Variants in WNK1 observed in about 807,000 individuals in gnomAD.
WNK1 encodes the protein WNK lysine deficient protein kinase 1, also known as serine/threonine-protein kinase WNK1.
Under a neutral mutation model 222.8 loss-of-function variants are expected in WNK1, and 38 were observed. The observed-to-expected ratio is 0.17, with a 90% CI of 0.13 to 0.22. WNK1 has a LOEUF of 0.22. Among genes scored for constraint, WNK1 ranks in the 10% least tolerant of loss-of-function variants. The pLI, the probability that WNK1 is intolerant of heterozygous loss-of-function variation, is 1.00. For missense variants in WNK1, 2,348 were observed against 2,918.4 expected (o/e 0.80, Z 4.50); for synonymous variants, 1,090 against 1,092.9 (o/e 1.00, Z 0.05).
intron 1 of WNK1, among the ~76,000 whole-genome samples, chr12:798,030 TTCTG>T (rs1180959115): frequency 5.3e-5 from 8 of 151,940 alleles, no homozygotes; most frequent in African/African-American, 1.9e-4. Flanking sequence ...AATATCTGCC[TTCTG>T]TCTTTTAAAA....
Position 908,861 on chromosome 12 carries a change from G to GGGGGGGGGGGCCCCCC in WNK1, c.*69_*70insGGGGGGGGGGCCCCCC. 1 of 491,846 alleles carries GGGGGGGGGGGCCCCCC rather than the reference G, an allele frequency of 2.0e-6. No homozygotes were observed. Among genetic ancestry groups the GGGGGGGGGGGCCCCCC allele is most frequent in the Non-Finnish European group, 4.1e-6 (1 of 241,770 alleles). The allele number at this position is 491,846 out of a possible 1,614,324, so 30.5% of individuals were successfully genotyped here. Reference sequence around the variant, plus strand: ...ATGCTGAGGGGGTGGGTGGGGGTGGGAAGTAGCCTATATACTAACTACTAG... The same window carrying GGGGGGGGGGGCCCCCC: ...ATGCTGAGGGGGTGGGTGGGGGTGGGGGGGGGGGGGCCCCCCAAGTAGCCTATATACTAACTACTAG... On this transcript the variant is annotated 3_prime_UTR_variant, in exon 28 of 28. Coordinates refer to ENST00000315939, the MANE Select transcript of WNK1 (RefSeq NM_018979.4).
rs1939490675 is a variant in WNK1 at position 753,477 on chromosome 12, C to T, written c.-89C>T. 1.3e-6 allele frequency: 2 copies of T among 1,573,240 alleles called. No homozygotes were observed. The highest frequency in any genetic ancestry group is 3.5e-5 in the Admixed American group (2 of 57,308). ...GCGCGAACCCGCCCGGCCGCGGTTC[C>T]CTGCAGACCTCTGCGCGGGCGGCTC... On this transcript the variant is annotated 5_prime_UTR_variant, in exon 1 of 28. Coordinates refer to ENST00000315939, the MANE Select transcript of WNK1 (RefSeq NM_018979.4). The surrounding 1 kb of genome is among the most constrained non-coding windows in gnomAD (Gnocchi z 5.2).
intron 1 of WNK1, among the ~76,000 whole-genome samples, chr12:792,398 C>T (rs1944930566): frequency 1.3e-5 from 2 of 149,574 alleles, no homozygotes; most frequent in South Asian, 2.1e-4. Context: ...CTGCAGCCTC[C>T]GCTTCCCAGC....
intron 20 of WNK1, among the ~76,000 whole-genome samples, chr12:888,837 A>T (rs1427664082): frequency 1.3e-5 from 2 of 152,236 alleles, no homozygotes; most frequent in Non-Finnish European, 2.9e-5. Context: ...TAAAGGTCGC[A>T]CAAATAAATA....
intron 26 of WNK1, chr12:906,469 A>G: frequency 2.0e-6 from 2 of 985,156 alleles, no homozygotes; most frequent in African/African-American, 1.7e-5. Context: ...TCTACATGGG[A>G]GTGCTTGCTG....
At chr12:829,934 T>C in intron 3 of WNK1, 69 bp from the exon 4 acceptor site, 1 of 1,572,410 alleles carries the variant, frequency 6.4e-7, no homozygotes, top group Non-Finnish European at 8.8e-7. Flanking sequence ...ACCCCTCTGC[T>C]TCTCACCCCG....
intron 7 of WNK1, 28 bp from the exon 8 acceptor site, chr12:862,055 T>C (rs753042969): frequency 3.7e-6 from 6 of 1,613,188 alleles, no homozygotes; most frequent in South Asian, 1.1e-5. Flanking sequence ...CTCTCTCTCT[T>C]TTTTTTGGCG....
At chr12:847,120 A>G (rs1337570486) in intron 4 of WNK1, among the ~76,000 whole-genome samples, 4 of 152,194 alleles carry the variant, frequency 2.6e-5, no homozygotes, top group African/African-American at 7.2e-5. Context: ...CCAGTGTTTT[A>G]GGTACTAAAT....
intron 22 of WNK1, among the ~76,000 whole-genome samples, chr12:893,370 A>G (rs568872092): frequency 5.9e-5 from 9 of 152,374 alleles, no homozygotes; most frequent in African/African-American, 1.9e-4. Context: ...GCAATCATTA[A>G]AAAGAATGAG....
chr12:900,016 C>CTTTTTTTT (rs11433731), intron 25 of WNK1, among the ~76,000 whole-genome samples: 17 of 119,616 alleles, frequency 1.4e-4, no homozygotes, highest in East Asian at 9.6e-4. Flanking sequence ...GGATTCTTTT[C>CTTTTTTTT]TTTTTTTTTT....
chr12:860,938 T>TG, intron 6 of WNK1, 75 bp from the exon 7 acceptor site: 1 of 1,340,886 alleles, frequency 7.5e-7, no homozygotes, highest in Non-Finnish European at 1.0e-6. Flanking sequence ...TTTTTTTTTT[T>TG]TGGCGGGGGG....
chr12:807,537 G>A (rs182306960), intron 1 of WNK1, among the ~76,000 whole-genome samples: 1 of 152,036 alleles, frequency 6.6e-6, no homozygotes, highest in African/African-American at 2.4e-5. Flanking sequence ...GACCCACTAA[G>A]TTTCAGTGCT....
intron 4 of WNK1, among the ~76,000 whole-genome samples, chr12:840,754 T>C (rs1424641768): frequency 1.3e-5 from 2 of 152,256 alleles, no homozygotes; most frequent in Non-Finnish European, 2.9e-5. Context: ...AAGAAATTAC[T>C]GATCTACGAA....
intron 23 of WNK1, 134 bp from the exon 24 acceptor site, chr12:895,937 C>T (rs1254405318): frequency 2.1e-5 from 24 of 1,160,582 alleles, no homozygotes; most frequent in South Asian, 5.7e-5. Context: ...AAAGTGGAGG[C>T]GCTATGTAAA....
At chr12:809,100 T>C (rs1203994922) in intron 1 of WNK1, among the ~76,000 whole-genome samples, 2 of 151,892 alleles carry the variant, frequency 1.3e-5, no homozygotes, top group South Asian at 4.2e-4. Context: ...TCTTCTTGCT[T>C]CTTTGAAACA....
At chr12:859,124 C>A in intron 5 of WNK1, 121 bp from the exon 6 acceptor site, 1 of 821,368 alleles carries the variant, frequency 1.2e-6, no homozygotes, top group Non-Finnish European at 2.0e-6. Context: ...TTATACTTTC[C>A]CCTGTATTTT....
At chr12:891,957 T>C (rs534315979) in intron 22 of WNK1, among the ~76,000 whole-genome samples, 2 of 150,266 alleles carry the variant, frequency 1.3e-5, no homozygotes, top group South Asian at 4.2e-4. Context: ...AACAAAAAAA[T>C]GTATAGGTCA....
At chr12:754,421 G>C in intron 1 of WNK1, 97 bp downstream of exon 1, 1 of 1,527,438 alleles carries the variant, frequency 6.5e-7, no homozygotes, top group East Asian at 2.2e-5. Context: ...GGCATTCTCT[G>C]TTGGACTCCG....
At chr12:774,038 C>T (rs1178509681) in intron 1 of WNK1, among the ~76,000 whole-genome samples, 9 of 152,030 alleles carry the variant, frequency 5.9e-5, no homozygotes, top group Admixed American at 5.9e-4. Context: ...TGCACAAATC[C>T]CCCTCCCTCT....
Sources: gnomAD v4.1 joint callset for allele counts (sites outside exome capture counted in the v4.1 genomes callset) on GRCh38, gnomAD v4.1.1 for gene constraint, Gnocchi (gnomAD v3.1) non-coding constraint, MANE v1.5 for transcripts, NCBI Gene and HGNC (gene_info 2026-07-23, HGNC 2026-07-21) for gene names.